FBXL13: variants seen among roughly 807,000 people sequenced by gnomAD.
FBXL13 encodes the protein F-box and leucine-rich repeat protein 13.
In FBXL13, 67 loss-of-function variants were observed where a neutral mutation model predicts 83.6. The ratio of observed to expected loss-of-function variants is 0.80; its 90% CI spans 0.66 to 0.98. The LOEUF is 0.98. FBXL13 is among the 50% of genes least tolerant of loss of function. The probability of loss-of-function intolerance (pLI) is 0.00; values close to 1 mark genes in which losing one functional copy is unlikely to be tolerated. For missense variants in FBXL13, 822 were observed against 866.5 expected (o/e 0.95, Z 0.64); for synonymous variants, 272 against 299.5 (o/e 0.91, Z 0.95).
At chr7:102,926,341 G>C in exon 10 of FBXL13, 1 of 1,613,862 alleles carries the variant, frequency 6.2e-7, no homozygotes, top group South Asian at 1.1e-5. Flanking sequence ...AGGACCCCCG[G>C]GCAGCCCTCA....
chr7:103,062,905 T>C (rs958612140), intron 1 of FBXL13, among the ~76,000 whole-genome samples: 4 of 152,196 alleles, frequency 2.6e-5, no homozygotes, highest in Admixed American at 1.3e-4. Flanking sequence ...TAGCACGTGG[T>C]AGAGACCCAG....
In FBXL13 at chr7:102,898,465, T is replaced by C. The variant is rs190030913; in HGVS notation, c.1009-14153A>G. On this transcript the variant is annotated intron_variant, in intron 11 of 19. Transcript: ENST00000313221. ...TGCCACCATGCCCAGCTAACTTTTT[T>C]TATTATTTGTAGAGACAGGGTCTCC... Among the ~76,000 whole-genome samples, 189 of 152,140 alleles carry C rather than the reference T, an allele frequency of 1.2e-3. 3 individuals are homozygous for C. Among genetic ancestry groups the C allele is most frequent in the Admixed American group, 6.9e-3 (105 of 15,280 alleles).
At chr7:102,907,176 T>C (rs552098486) in intron 11 of FBXL13, among the ~76,000 whole-genome samples, 1 of 152,286 alleles carries the variant, frequency 6.6e-6, no homozygotes, top group East Asian at 1.9e-4. Context: ...TTTCACCATG[T>C]TGGCCAGGCT....
chr7:103,010,909 G>A (rs996185365), intron 6 of FBXL13, among the ~76,000 whole-genome samples: 7 of 152,226 alleles, frequency 4.6e-5, no homozygotes, highest in African/African-American at 1.7e-4. Context: ...CATGGGCATG[G>A]AGAGAGTAAT....
chr7:102,973,346 C>G, intron 6 of FBXL13: 1 of 642,166 alleles, frequency 1.6e-6, no homozygotes. Flanking sequence ...GAGAGCCGGC[C>G]AGAAGACACC....
intron 6 of FBXL13, among the ~76,000 whole-genome samples, chr7:102,984,233 A>G (rs1828657671): frequency 6.6e-6 from 1 of 152,166 alleles, no homozygotes; most frequent in African/African-American, 2.4e-5. Context: ...CTAAAAACCA[A>G]TTCTAAAAAC....
Position 102,968,196 on chromosome 7 carries a change from T to G in FBXL13, c.496-79A>C. 4.7e-6 allele frequency: 4 copies of G among 851,550 alleles called. No individual in the cohort carries two copies. In the Admixed American group the frequency reaches 6.0e-5, roughly 13 times the overall value. 52.7% of individuals were successfully genotyped at this position (851,550 alleles called of 1,614,324 possible). On this transcript the variant is annotated intron_variant, in intron 6 of 19. Coordinates refer to ENST00000313221, the Ensembl canonical transcript of FBXL13. ...TGTCCACTTACCTTTTGTCTGTGTG[T>G]GTGCACACATGTGCGTGCACACACA... is the stretch of plus-strand genomic sequence containing the variant.
At position 102,879,671 on chromosome 7, in the gene FBXL13, G is replaced by A. The variant is rs537252177; in HGVS notation, c.1389-1221C>T. On this transcript the variant is annotated intron_variant, in intron 14 of 19. Coordinates refer to ENST00000313221, the Ensembl canonical transcript of FBXL13. Reference sequence around the variant, plus strand: ...CTAAAGATTCAGACTCAATAGCTCTGAAGTGGGGCTTGGGCATCTATAGTT... The same window carrying A: ...CTAAAGATTCAGACTCAATAGCTCTAAAGTGGGGCTTGGGCATCTATAGTT... 9.9e-5 allele frequency among the ~76,000 whole-genome samples: 15 copies of A among 152,148 alleles called. No individual in the cohort carries two copies. In the East Asian group the frequency reaches 2.9e-3, roughly 29 times the overall value.
intron 1 of FBXL13, among the ~76,000 whole-genome samples, chr7:103,063,006 G>A (rs1212256592): frequency 6.6e-6 from 1 of 152,206 alleles, no homozygotes; most frequent in African/African-American, 2.4e-5. Context: ...GGTGTCAAGA[G>A]CCTCATCTGT....
At chr7:102,917,339 ACTC>A (rs765873016) in intron 10 of FBXL13, among the ~76,000 whole-genome samples, 5 of 152,286 alleles carry the variant, frequency 3.3e-5, no homozygotes, top group Non-Finnish European at 5.9e-5. Flanking sequence ...ATTGGATACT[ACTC>A]CACTATAGCA....
intron 6 of FBXL13, among the ~76,000 whole-genome samples, chr7:102,968,589 TC>T (rs1300157193): frequency 1.3e-5 from 2 of 152,204 alleles, no homozygotes; most frequent in African/African-American, 4.8e-5. Context: ...CATTTTGGCT[TC>T]TACTTCTGGA....
At position 103,038,412 on chromosome 7, in the gene FBXL13, C is replaced by T. The variant is rs371503096; in HGVS notation, c.1-8994G>A. Among the ~76,000 whole-genome samples, 38 of 152,384 alleles carry T rather than the reference C, an allele frequency of 2.5e-4. No individual in the cohort carries two copies. The East Asian group carries it at 3.3e-3, about 13-fold the overall frequency. ...TAGTAGAACAAAAGGCAGCAGACAG[C>T]TTCTGCAGACTTAAACGTCCCTGTC... On this transcript the variant is annotated intron_variant, in intron 2 of 19. Transcript: ENST00000313221.
chr7:103,073,609 T>C (rs992940514), intron 1 of FBXL13, among the ~76,000 whole-genome samples: 2 of 152,196 alleles, frequency 1.3e-5, no homozygotes, highest in African/African-American at 2.4e-5. Context: ...ATTTTTACTA[T>C]GAAACAAAGT....
At chr7:103,033,089 TCACA>T (rs552130143) in intron 2 of FBXL13, among the ~76,000 whole-genome samples, 1 of 152,020 alleles carries the variant, frequency 6.6e-6, no homozygotes, top group Non-Finnish European at 1.5e-5. Flanking sequence ...ACATACACAC[TCACA>T]CACACAGAGT....
At chr7:102,950,732 A>G (rs142968147) in intron 8 of FBXL13, among the ~76,000 whole-genome samples, 368 of 152,348 alleles carry the variant, frequency 2.4e-3, no homozygotes, top group Non-Finnish European at 4.3e-3. Flanking sequence ...TTGCACATTA[A>G]TAAGTGAAGG....
chr7:102,881,597 G>A (rs1810105414), intron 14 of FBXL13, among the ~76,000 whole-genome samples: 1 of 151,586 alleles, frequency 6.6e-6, no homozygotes, highest in South Asian at 2.1e-4. Context: ...GTGTCTCACT[G>A]TTATCATTAC....
At chr7:102,951,569 A>G (rs1359559434) in intron 8 of FBXL13, among the ~76,000 whole-genome samples, 3 of 151,884 alleles carry the variant, frequency 2.0e-5, no homozygotes, top group African/African-American at 7.3e-5. Flanking sequence ...GCATTTTGGG[A>G]GGCTGAGGCA....
rs147581972 is a variant in FBXL13 at position 102,900,551 on chromosome 7, A to G, written c.1008+12535T>C. ...TCTATGAATTGTCAATTTTCCTTCT[A>G]TGAAGCTATTTTTGTACTACACCCA... On this transcript the variant is annotated intron_variant, in intron 11 of 19. Transcript: ENST00000313221. 2.8e-3 allele frequency among the ~76,000 whole-genome samples: 421 copies of G among 152,308 alleles called. 9 individuals carry two copies. The highest frequency in any genetic ancestry group is 0.025 in the Admixed American group (387 of 15,292).
At chr7:103,041,364 C>G (rs777578564) in intron 2 of FBXL13, among the ~76,000 whole-genome samples, 2 of 152,130 alleles carry the variant, frequency 1.3e-5, no homozygotes, top group African/African-American at 4.8e-5. Flanking sequence ...CAGGACCAGA[C>G]GGATTCACAG....
Sources: allele counts gnomAD v4.1 joint callset (sites outside exome capture counted in the v4.1 genomes callset), GRCh38; gene constraint gnomAD v4.1.1; transcripts MANE v1.5; gene names NCBI Gene and HGNC (gene_info 2026-07-23, HGNC 2026-07-21).